EYA1: variants seen among roughly 807,000 people sequenced by gnomAD.
The protein encoded by EYA1 is protein phosphatase EYA1.
Under a neutral mutation model 82.0 loss-of-function variants are expected in EYA1, and 16 were observed. The ratio of observed to expected loss-of-function variants is 0.20; its 90% CI spans 0.13 to 0.30. The LOEUF (loss-of-function observed/expected upper bound fraction) is 0.30. Among genes scored for constraint, EYA1 ranks in the 10% least tolerant of loss-of-function variants. The pLI is 1.00. For synonymous variants in EYA1, 261 were observed against 264.4 expected (o/e 0.99, Z 0.12); for missense variants, 633 against 730.7 (o/e 0.87, Z 1.54).
At chr8:71,497,738 G>A (rs1563675594) in intron 2 of EYA1, among the ~76,000 whole-genome samples, 1 of 152,114 alleles carries the variant, frequency 6.6e-6, no homozygotes, top group Non-Finnish European at 1.5e-5. Context: ...AAGAAAATCA[G>A]TATGTCAAAG....
rs1192924417 is a variant in EYA1 at position 71,419,693 on chromosome 8, A to T, written c.34-63182T>A. Among the ~76,000 whole-genome samples, 2 of 152,124 alleles carry T rather than the reference A, an allele frequency of 1.3e-5. 1 individual carries two copies. Among genetic ancestry groups the T allele is most frequent in the Non-Finnish European group, 2.9e-5 (2 of 68,010 alleles). ...TTTCCATAAAGTTTTTTAAATTAGC[A>T]TTTAGATATTACTAATATTAACATT... On this transcript the variant is annotated intron_variant, in intron 2 of 18. Coordinates refer to the EYA1 transcript ENST00000643681.
intron 11 of EYA1, among the ~76,000 whole-genome samples, chr8:71,267,652 C>G (rs998164345): frequency 6.6e-6 from 1 of 152,138 alleles, no homozygotes; most frequent in African/African-American, 2.4e-5. Context: ...AGGTTCACGC[C>G]GTTCTCCTGC....
intron 1 of EYA1, among the ~76,000 whole-genome samples, chr8:71,546,091 C>T (rs1389046544): frequency 6.6e-6 from 1 of 152,184 alleles, no homozygotes; most frequent in African/African-American, 2.4e-5. Context: ...CCAGACTACT[C>T]CAGATGCCCC....
chr8:71,321,061 A>AT (rs767981407), intron 6 of EYA1, among the ~76,000 whole-genome samples: 1 of 152,150 alleles, frequency 6.6e-6, no homozygotes, highest in Non-Finnish European at 1.5e-5. Flanking sequence ...AAATTCTGAA[A>AT]TTTTTTTAAT....
At chr8:71,251,836 T>C (rs1395135958) in intron 11 of EYA1, among the ~76,000 whole-genome samples, 1 of 152,168 alleles carries the variant, frequency 6.6e-6, no homozygotes. Flanking sequence ...TATTGATTTT[T>C]TTTTTAATCC....
At chr8:71,327,036 T>A (rs1401755740) in intron 4 of EYA1, among the ~76,000 whole-genome samples, 1 of 152,186 alleles carries the variant, frequency 6.6e-6, no homozygotes, top group Admixed American at 6.5e-5. Context: ...GAGACTCCCA[T>A]TCATTCCTTT....
chr8:71,413,972 A>T (rs1586670274), intron 2 of EYA1, among the ~76,000 whole-genome samples: 1 of 152,202 alleles, frequency 6.6e-6, no homozygotes, highest in African/African-American at 2.4e-5. Context: ...GCACATAGGA[A>T]GTTTGTTAGA....
Position 71,199,189 on chromosome 8 carries a change from C to T in EYA1, c.*151G>A. The T allele has an allele frequency of 1.4e-6, 1 of 692,900 alleles. No individual in the cohort carries two copies. The highest frequency in any genetic ancestry group is 2.7e-5 in the East Asian group (1 of 36,876). The allele number at this position is 692,900 out of a possible 1,614,324, so 42.9% of individuals were successfully genotyped here. A position where few individuals can be genotyped will look rare whatever the true frequency, so the allele number is the denominator to read the frequency against. On this transcript the variant is annotated 3_prime_UTR_variant, in exon 18 of 18. Transcript: ENST00000340726. ...TGAAATAGACGTGGTCCTCCATTCA[C>T]CACAAAGGCAGAGGTCAAGACTGAC... is the stretch of plus-strand genomic sequence containing the variant.
rs149991935 is a variant in EYA1, at chr8:71,384,861, T to C, written c.34-28350A>G. ...TTTTAGTATTAAGGGATATAGATTG[T>C]CGTGCTTTCTACTACTAGATTGTAG... On this transcript the variant is annotated intron_variant, in intron 2 of 18. Transcript: ENST00000643681. Among the ~76,000 whole-genome samples the C allele has an allele frequency of 1.5e-3, 224 of 152,346 alleles. 2 individuals are homozygous for C. The highest frequency in any genetic ancestry group is 0.014 in the East Asian group (72 of 5,184).
rs576859726 is a variant in EYA1, at chr8:71,397,613, G to T, written c.34-41102C>A. 6.6e-5 allele frequency among the ~76,000 whole-genome samples: 10 copies of T among 152,216 alleles called. No homozygotes were observed. In the East Asian group the frequency reaches 1.5e-3, roughly 23 times the overall value. On this transcript the variant is annotated intron_variant, in intron 2 of 18. Transcript: ENST00000643681. ...CTTTTCTTTAAGAATGTTGAATATT[G>T]GCCCCCACTCTCTTTTGGCTTATAG...
intron 2 of EYA1, among the ~76,000 whole-genome samples, chr8:71,377,749 T>C (rs1275307023): frequency 6.6e-6 from 1 of 152,206 alleles, no homozygotes; most frequent in Non-Finnish European, 1.5e-5. Flanking sequence ...AATTTCTGCC[T>C]CTACCCAGCC....
intron 2 of EYA1, among the ~76,000 whole-genome samples, chr8:71,379,234 C>A (rs960924032): frequency 6.6e-6 from 1 of 152,018 alleles, no homozygotes; most frequent in African/African-American, 2.4e-5. Context: ...CTGGACAAGA[C>A]CATAGAGGAC....
In EYA1 at chr8:71,417,790, T is replaced by C. The variant is rs549561307; in HGVS notation, c.34-61279A>G. Among the ~76,000 whole-genome samples the C allele has an allele frequency of 3.9e-5, 6 of 152,326 alleles. No individual in the cohort carries two copies. The South Asian group carries it at 1.0e-3, about 26-fold the overall frequency. On this transcript the variant is annotated intron_variant, in intron 2 of 18. Transcript: ENST00000643681. Reference sequence around the variant, plus strand: ...GCCTGCCTCCCAAGCCCTTGACCCATGTTTTTGACAGTCCAAAATATAACT... The same window carrying C: ...GCCTGCCTCCCAAGCCCTTGACCCACGTTTTTGACAGTCCAAAATATAACT...
At chr8:71,221,660 G>A (rs1809935368) in intron 12 of EYA1, among the ~76,000 whole-genome samples, 1 of 152,190 alleles carries the variant, frequency 6.6e-6, no homozygotes, top group African/African-American at 2.4e-5. Context: ...AGGAATGTCG[G>A]GTGATGGTCT....
At chr8:71,416,683 C>T (rs534747223) in intron 2 of EYA1, among the ~76,000 whole-genome samples, 116 of 152,282 alleles carry the variant, frequency 7.6e-4, no homozygotes, top group African/African-American at 2.6e-3. Flanking sequence ...AGCCCTTGGA[C>T]TGGCAGCCTC....
intron 2 of EYA1, among the ~76,000 whole-genome samples, chr8:71,533,765 G>T (rs1272393661): frequency 2.0e-5 from 3 of 152,144 alleles, no homozygotes; most frequent in African/African-American, 7.2e-5. Flanking sequence ...GACACCTCCT[G>T]GCTGAGCAGT....
At chr8:71,432,969 C>A (rs1458180350) in intron 2 of EYA1, among the ~76,000 whole-genome samples, 1 of 152,016 alleles carries the variant, frequency 6.6e-6, no homozygotes, top group Non-Finnish European at 1.5e-5. Flanking sequence ...TGACTGGTAC[C>A]TGGTAATAAA....
chr8:71,240,244 G>C (rs532233556), intron 12 of EYA1, among the ~76,000 whole-genome samples: 79 of 150,592 alleles, frequency 5.2e-4, no homozygotes, highest in African/African-American at 1.9e-3. Context: ...TACTCTAGTG[G>C]GACCAGAACT....
At chr8:71,538,953 C>T (rs1348390763) in intron 1 of EYA1, among the ~76,000 whole-genome samples, 1 of 152,052 alleles carries the variant, frequency 6.6e-6, no homozygotes, top group Non-Finnish European at 1.5e-5. Flanking sequence ...TGCATCTACC[C>T]TAAATGGCCA....
Sources: allele counts gnomAD v4.1 joint callset (sites outside exome capture counted in the v4.1 genomes callset), GRCh38; gene constraint gnomAD v4.1.1; transcripts MANE v1.5; gene names NCBI Gene and HGNC (gene_info 2026-07-23, HGNC 2026-07-21).